Variants in LAMA3 observed in about 807,000 individuals in gnomAD.
The protein encoded by LAMA3 is laminin subunit alpha 3.
In LAMA3, 281 loss-of-function variants were observed where a neutral mutation model predicts 402.0. The ratio of observed to expected loss-of-function variants is 0.70; its 90% CI spans 0.63 to 0.77. The LOEUF (loss-of-function observed/expected upper bound fraction) is 0.77. Among genes scored for constraint, LAMA3 ranks in the 30% least tolerant of loss-of-function variants. LAMA3 has a pLI of 0.00. For missense variants in LAMA3, 3,840 were observed against 4,215.5 expected, an observed-to-expected ratio of 0.91 and a Z score of 2.47; for synonymous variants, 1,431 against 1,558.4, an observed-to-expected ratio of 0.92 and a Z score of 1.93.
At chr18:23,850,877 G>C (rs967984589) in intron 32 of LAMA3, among the ~76,000 whole-genome samples, 1 of 152,190 alleles carries the variant, frequency 6.6e-6, no homozygotes, top group East Asian at 1.9e-4. Context: ...ACTGTTGACC[G>C]CGTCCAAGCT....
At chr18:23,895,548 A>G (rs1168841984) in intron 44 of LAMA3, among the ~76,000 whole-genome samples, 2 of 152,230 alleles carry the variant, frequency 1.3e-5, no homozygotes, top group Non-Finnish European at 2.9e-5. Flanking sequence ...CTTTCAAATA[A>G]TATGTCAATT....
At chr18:23,818,742 C>A (rs2063225356) in intron 18 of LAMA3, among the ~76,000 whole-genome samples, 1 of 152,088 alleles carries the variant, frequency 6.6e-6, no homozygotes, top group Non-Finnish European at 1.5e-5. Flanking sequence ...TTTTCTAGAC[C>A]TTGTCTATGA....
At chr18:23,846,726 A>G (rs1307813125) in intron 31 of LAMA3, among the ~76,000 whole-genome samples, 1 of 152,164 alleles carries the variant, frequency 6.6e-6, no homozygotes, top group East Asian at 1.9e-4. Flanking sequence ...ACCGCACTCT[A>G]AGTAGCAATG....
chr18:23,700,385 G>T (rs372983103), intron 1 of LAMA3, among the ~76,000 whole-genome samples: 1 of 152,116 alleles, frequency 6.6e-6, no homozygotes, highest in Non-Finnish European at 1.5e-5. Flanking sequence ...CATGGAAACC[G>T]TTGAAAAATT....
chr18:23,947,193 G>GC (rs1007224969), intron 70 of LAMA3, among the ~76,000 whole-genome samples: 2 of 152,108 alleles, frequency 1.3e-5, no homozygotes, highest in African/African-American at 4.8e-5. Flanking sequence ...CTCTGTGAGT[G>GC]CCCTCTCCCT....
At chr18:23,705,749 C>T (rs1361723450) in intron 1 of LAMA3, among the ~76,000 whole-genome samples, 1 of 152,154 alleles carries the variant, frequency 6.6e-6, no homozygotes, top group Non-Finnish European at 1.5e-5. Context: ...AACTCCTGAG[C>T]TCAAGCAATC....
chr18:23,840,003 A>C lies in LAMA3; in HGVS notation c.3336+74A>C, dbSNP rs116474950. On this transcript the variant is annotated intron_variant, in intron 27 of 74. Coordinates refer to ENST00000313654, the MANE Select transcript of LAMA3 (RefSeq NM_198129.4). ...GCAGCAGCATCCACATCACTTGGAAACTTGTCAGCAATGCAGATTCACAGA... is the reference window on the plus strand; with the variant it reads ...GCAGCAGCATCCACATCACTTGGAACCTTGTCAGCAATGCAGATTCACAGA... 2,149 of 1,518,198 alleles carry C rather than the reference A, an allele frequency of 1.4e-3. 22 individuals are homozygous for C. The African/African-American group carries it at 0.025, about 18-fold the overall frequency. The allele number at this position is 1,518,198 out of a possible 1,614,324, so 94.0% of individuals were successfully genotyped here.
intron 2 of LAMA3, among the ~76,000 whole-genome samples, chr18:23,741,243 A>G (rs1368034792): frequency 6.6e-6 from 1 of 152,006 alleles, no homozygotes; most frequent in Admixed American, 6.6e-5. Flanking sequence ...TCTTTCTGAT[A>G]GTGCCAGGGC....
chr18:23,744,159 C>T (rs1396819718), intron 2 of LAMA3, among the ~76,000 whole-genome samples: 3 of 152,200 alleles, frequency 2.0e-5, no homozygotes, highest in African/African-American at 7.2e-5. Flanking sequence ...CTCACTATGA[C>T]ATTTTGAATC....
chr18:23,714,182 C>T (rs1316517362), intron 2 of LAMA3, 110 bp downstream of exon 2: 2 of 1,106,410 alleles, frequency 1.8e-6, no homozygotes, highest in East Asian at 5.1e-5. Flanking sequence ...AGTTTTAATC[C>T]CCTCATCATT....
rs1397565097 is a variant in LAMA3, at chr18:23,839,875, G to A, written c.3282G>A (p.Gln1094=). The A allele has an allele frequency of 6.2e-7, 1 of 1,614,184 alleles. No homozygotes were observed. The highest frequency in any genetic ancestry group is 8.5e-7 in the Non-Finnish European group (1 of 1,180,030). Residue 1094 remains glutamine, a synonymous_variant, in exon 27 of 75, where the codon CAG becomes CAA. Coordinates refer to ENST00000313654, the MANE Select transcript of LAMA3 (RefSeq NM_198129.4). The surrounding 1 kb of genome is among the most constrained non-coding windows in gnomAD (Gnocchi z 4.5). ...LSGRPFPHLP[Q]QSSPSVDVLP... is the part of the protein sequence containing the mutation. ...GCAGGCCTTTCCCTCACCTGCCCCA[G>A]CAGTCGTCACCTTCTGTTGATGTTC...
rs781155140 is a variant in LAMA3 at position 23,858,736 on chromosome 18, C to T, written c.4329C>T (p.Phe1443=). 1 of 1,613,912 alleles carries T rather than the reference C, an allele frequency of 6.2e-7. No homozygotes were observed. Among genetic ancestry groups the T allele is most frequent in the Non-Finnish European group, 8.5e-7 (1 of 1,179,916 alleles). Residue 1443 remains phenylalanine (F), a synonymous_variant, in exon 34 of 75, where the codon TTC becomes TTT. Coordinates refer to ENST00000313654, the MANE Select transcript of LAMA3 (RefSeq NM_198129.4). The stretch of plus-strand genomic sequence containing the variant: ...GTAATGTGTGTCGAGAAGGCTCATT[C>T]CATTTGGACCCAGCCAATCTCAAGG... The part of the protein sequence containing the change: ...TECNVCREGS[F]HLDPANLKGC...
At chr18:23,763,647 TC>T in intron 8 of LAMA3, 124 bp downstream of exon 8, 1 of 765,252 alleles carries the variant, frequency 1.3e-6, no homozygotes, top group African/African-American at 1.7e-5. Context: ...AGACCATTTC[TC>T]CACTGTTGCT....
chr18:23,939,116 C>T, intron 67 of LAMA3, 107 bp from the exon 68 acceptor site: 1 of 1,213,918 alleles, frequency 8.2e-7, no homozygotes, highest in East Asian at 2.3e-5. Flanking sequence ...TATTGCCCTA[C>T]TGAATTCCTC....
intron 55 of LAMA3, among the ~76,000 whole-genome samples, chr18:23,909,739 G>A (rs540596605): frequency 6.6e-6 from 1 of 152,354 alleles, no homozygotes; most frequent in Non-Finnish European, 1.5e-5. Context: ...TTGGAGTACT[G>A]ATTCACCAGC....
At chr18:23,915,486 C>A in intron 59 of LAMA3, 64 bp downstream of exon 59, 2 of 1,483,742 alleles carry the variant, frequency 1.3e-6, no homozygotes, top group Non-Finnish European at 1.9e-6. Context: ...AGTACTTTTA[C>A]ATATGATAAA....
At chr18:23,776,052 A>G in intron 10 of LAMA3, 129 bp downstream of exon 10, 2 of 928,004 alleles carry the variant, frequency 2.2e-6, no homozygotes, top group Non-Finnish European at 1.8e-6. Context: ...GGTTGTATTT[A>G]TGTAAAAGTG....
chr18:23,931,562 G>T, intron 65 of LAMA3: 1 of 227,458 alleles, frequency 4.4e-6, no homozygotes, highest in Non-Finnish European at 8.8e-6. Context: ...TGGATAAATT[G>T]TGGTGTATTC....
At chr18:23,924,551 T>A (rs1207879907) in intron 62 of LAMA3, among the ~76,000 whole-genome samples, 1 of 148,438 alleles carries the variant, frequency 6.7e-6, no homozygotes, top group Non-Finnish European at 1.5e-5. Context: ...TTCTTTTTTT[T>A]TTTTTTTTTT....
Sources: gnomAD v4.1 joint callset for allele counts (sites outside exome capture counted in the v4.1 genomes callset) on GRCh38, gnomAD v4.1.1 for gene constraint, Gnocchi (gnomAD v3.1) non-coding constraint, MANE v1.5 for transcripts, NCBI Gene and HGNC (gene_info 2026-07-23, HGNC 2026-07-21) for gene names.